WDR70: variants seen among roughly 807,000 people sequenced by gnomAD.
WDR70 encodes the protein WD repeat-containing protein 70.
Under a neutral mutation model 88.6 loss-of-function variants are expected in WDR70, and 53 were observed. The ratio of observed to expected loss-of-function variants is 0.60; its 90% confidence interval spans 0.48 to 0.75. The LOEUF (loss-of-function observed/expected upper bound fraction) is 0.75, where lower values mean the gene tolerates loss of function less well. Among genes scored for constraint, WDR70 ranks in the 30% least tolerant of loss-of-function variants. The pLI, the probability that WDR70 is intolerant of heterozygous loss-of-function variation, is 0.00. For missense variants in WDR70, 610 were observed against 823.2 expected, an observed-to-expected ratio of 0.74 and a Z score of 3.17; for synonymous variants, 280 against 270.0, an observed-to-expected ratio of 1.04 and a Z score of -0.36.
chr5:37,415,620 C>CT (rs1192530233), intron 5 of WDR70, among the ~76,000 whole-genome samples: 1 of 149,586 alleles, frequency 6.7e-6, no homozygotes, highest in East Asian at 2.0e-4. Context: ...GGCTGACCCC[C>CT]CCCACCTCCC....
intron 10 of WDR70, among the ~76,000 whole-genome samples, chr5:37,641,839 T>TA (rs1745111490): frequency 1.3e-5 from 2 of 152,234 alleles, no homozygotes; most frequent in Non-Finnish European, 2.9e-5. Flanking sequence ...CTGAAACACT[T>TA]ACTTTTGCAT....
At chr5:37,613,271 A>C (rs1216710175) in intron 10 of WDR70, among the ~76,000 whole-genome samples, 1 of 152,212 alleles carries the variant, frequency 6.6e-6, no homozygotes, top group African/African-American at 2.4e-5. Context: ...CATTTGTTCA[A>C]CCATGCTTCC....
chr5:37,542,540 C>T (rs1741858634), intron 9 of WDR70, among the ~76,000 whole-genome samples: 1 of 152,094 alleles, frequency 6.6e-6, no homozygotes, highest in South Asian at 2.1e-4. Flanking sequence ...CTCAGCCTCT[C>T]AAAGTGCTGG....
chr5:37,695,589 T>C (rs1027332182), intron 10 of WDR70, among the ~76,000 whole-genome samples: 1 of 152,176 alleles, frequency 6.6e-6, no homozygotes, highest in African/African-American at 2.4e-5. Flanking sequence ...CCCTGTTTCC[T>C]TGACATGTGG....
intron 8 of WDR70, among the ~76,000 whole-genome samples, chr5:37,505,342 C>T (rs1401168510): frequency 2.0e-5 from 3 of 152,062 alleles, no homozygotes; most frequent in Admixed American, 6.6e-5. Context: ...TTGTGCCGAT[C>T]GTATGGGAAA....
At chr5:37,597,317 A>G (rs1743733317) in intron 9 of WDR70, among the ~76,000 whole-genome samples, 2 of 152,192 alleles carry the variant, frequency 1.3e-5, no homozygotes, top group African/African-American at 4.8e-5. Context: ...CAATCAATGT[A>G]TGCACATTCC....
chr5:37,588,682 T>C (rs937522250), intron 9 of WDR70, among the ~76,000 whole-genome samples: 2 of 152,114 alleles, frequency 1.3e-5, no homozygotes, highest in Middle Eastern at 6.3e-3. Flanking sequence ...GCTCAAGTGA[T>C]CCTCCCACCT....
intron 8 of WDR70, among the ~76,000 whole-genome samples, chr5:37,508,931 G>C (rs1264941832): frequency 6.6e-6 from 1 of 152,104 alleles, no homozygotes; most frequent in Admixed American, 6.6e-5. Flanking sequence ...TTCTGTTTTT[G>C]AAAGCTTTTA....
chr5:37,415,982 C>G (rs1749731108), intron 5 of WDR70, among the ~76,000 whole-genome samples: 1 of 151,276 alleles, frequency 6.6e-6, no homozygotes, highest in Admixed American at 6.6e-5. Context: ...TTCTCACTTC[C>G]TGGATGGGAT....
At chr5:37,675,151 A>G (rs942601925) in intron 10 of WDR70, among the ~76,000 whole-genome samples, 2 of 152,124 alleles carry the variant, frequency 1.3e-5, no homozygotes, top group Non-Finnish European at 2.9e-5. Flanking sequence ...TCAGAGGAGT[A>G]GGTTGTGAAA....
At chr5:37,579,674 G>A (rs1479349155) in intron 9 of WDR70, among the ~76,000 whole-genome samples, 1 of 150,788 alleles carries the variant, frequency 6.6e-6, no homozygotes, top group East Asian at 1.9e-4. Flanking sequence ...AAAAAAAATT[G>A]GATCTCAGTG....
chr5:37,650,971 T>G (rs1745392350), intron 10 of WDR70, among the ~76,000 whole-genome samples: 2 of 151,902 alleles, frequency 1.3e-5, no homozygotes, highest in African/African-American at 4.8e-5. Flanking sequence ...TTCATTTTTT[T>G]TTTTTTTATA....
At chr5:37,401,441 G>A (rs1454589654) in intron 5 of WDR70, among the ~76,000 whole-genome samples, 1 of 151,398 alleles carries the variant, frequency 6.6e-6, no homozygotes, top group East Asian at 1.9e-4. Context: ...TCAGCCTCCT[G>A]AGTAGCTGGA....
chr5:37,523,195 T>G (rs1741150049), intron 9 of WDR70, among the ~76,000 whole-genome samples: 1 of 152,264 alleles, frequency 6.6e-6, no homozygotes, highest in Non-Finnish European at 1.5e-5. Context: ...AAGAGGTCCC[T>G]GACCCCTGAG....
chr5:37,571,793 T>C (rs1271733865), intron 9 of WDR70, among the ~76,000 whole-genome samples: 1 of 152,202 alleles, frequency 6.6e-6, no homozygotes, highest in Admixed American at 6.5e-5. Context: ...TCTACACCTG[T>C]TCTGACATTT....
intron 7 of WDR70, among the ~76,000 whole-genome samples, chr5:37,446,916 T>C (rs1004174251): frequency 1.8e-4 from 28 of 152,032 alleles, no homozygotes; most frequent in African/African-American, 6.0e-4. Flanking sequence ...AAAGCAATGG[T>C]AACAAAAGCC....
At chr5:37,742,043 G>A (rs1002348714) in intron 17 of WDR70, among the ~76,000 whole-genome samples, 3 of 152,150 alleles carry the variant, frequency 2.0e-5, no homozygotes, top group African/African-American at 7.2e-5. Context: ...TGGCTCTTGT[G>A]AATAATGCTG....
At chr5:37,411,739 C>T (rs1296108952) in intron 5 of WDR70, among the ~76,000 whole-genome samples, 1 of 151,994 alleles carries the variant, frequency 6.6e-6, no homozygotes, top group South Asian at 2.1e-4. Flanking sequence ...TTGAAAAAAA[C>T]AATTTGATAG....
chr5:37,576,618 G>A (rs1743062349), intron 9 of WDR70, among the ~76,000 whole-genome samples: 1 of 151,962 alleles, frequency 6.6e-6, no homozygotes, highest in Non-Finnish European at 1.5e-5. Context: ...CTTCCTTCCA[G>A]TCCTATCTAT....
Sources: allele counts gnomAD v4.1 joint callset (sites outside exome capture counted in the v4.1 genomes callset), GRCh38; gene constraint gnomAD v4.1.1; transcripts MANE v1.5; gene names NCBI Gene and HGNC (gene_info 2026-07-23, HGNC 2026-07-21).